STEAP2: variants seen among roughly 807,000 people sequenced by gnomAD.
STEAP2 encodes STEAP2 metalloreductase.
A neutral mutation model predicts 46.4 loss-of-function variants in STEAP2; 30 were observed. The observed-to-expected ratio is 0.65, with a 90% CI of 0.48 to 0.88. The LOEUF (loss-of-function observed/expected upper bound fraction) is 0.88. Ranked by LOEUF, STEAP2 falls within the 40% of genes least tolerant of loss-of-function variation. STEAP2 has a pLI of 0.00. For synonymous variants in STEAP2, 180 were observed against 200.5 expected (o/e 0.90, Z 0.86); for missense variants, 513 against 579.3 (o/e 0.89, Z 1.18).
chr7:90,230,969 C>A (rs1795716713), intron 5 of STEAP2, among the ~76,000 whole-genome samples: 1 of 151,462 alleles, frequency 6.6e-6, no homozygotes, highest in Non-Finnish European at 1.5e-5. Context: ...TTAATCATAC[C>A]CGAAAAGAAA....
rs906830927 is a variant in STEAP2 at position 90,212,817 on chromosome 7, G to GCCCCACCCCCAC, written c.-147+784_-147+795dup. Among the ~76,000 whole-genome samples, 130 of 136,068 alleles carry GCCCCACCCCCAC rather than the reference G, an allele frequency of 9.6e-4. 1 individual carries two copies. Among genetic ancestry groups the GCCCCACCCCCAC allele is most frequent in the Non-Finnish European group, 1.6e-3 (99 of 63,042 alleles). The allele number at this position is 136,068 out of a possible 152,430, so 89.3% of individuals were successfully genotyped here. ...TAGGAGAAAAAGAATTCAGACTCCT[G>GCCCCACCCCCAC]CCCCACCCCCACCCCCACCCCCAAC... On this transcript the variant is annotated intron_variant, in intron 1 of 5. Transcript: ENST00000394621.
chr7:90,238,975 G>GTCCT (rs139464762), downstream of STEAP2, among the ~76,000 whole-genome samples: 5,329 of 152,230 alleles, frequency 0.035, 234 homozygotes, highest in East Asian at 0.11. Context: ...AAATATCAGT[G>GTCCT]TCCTGTAGGC....
At chr7:90,217,723 AAAAC>A (rs1324957082) in intron 2 of STEAP2, among the ~76,000 whole-genome samples, 20 of 111,040 alleles carry the variant, frequency 1.8e-4, no homozygotes, top group East Asian at 3.2e-3. Flanking sequence ...AAAAAAAAAA[AAAAC>A]ATGTGAGGAC....
chr7:90,227,498 G>A lies in STEAP2; in HGVS notation c.1020G>A (p.Gln340=), dbSNP rs1465717285. 1.3e-6 allele frequency: 2 copies of A among 1,552,870 alleles called. No individual in the cohort carries two copies. Among genetic ancestry groups the A allele is most frequent in the Admixed American group, 1.9e-5 (1 of 51,464 alleles). The part of the protein sequence containing the change: ...RYLFLNMAYQ[Q]VHANIENSWN... ...TGTTTCTCAACATGGCTTATCAGCA[G>A]GTACTGAATGTGCTTGTTATTTATC... Residue 340 remains glutamine, a splice_region_variant and synonymous_variant, in exon 4 of 6, where the codon CAG becomes CAA. Transcript: ENST00000394621.
chr7:90,232,631 A>G lies in STEAP2; in HGVS notation c.*7A>G. 1 of 1,595,592 alleles carries G rather than the reference A, an allele frequency of 6.3e-7. No individual in the cohort carries two copies. Among genetic ancestry groups the G allele is most frequent in the South Asian group, 1.1e-5 (1 of 88,712 alleles). ...GAGGGTCACAGTAATGTGATGACAA[A>G]TGGTGTTCACAGCTGCCATATAAAG... On this transcript the variant is annotated 3_prime_UTR_variant, in exon 6 of 6. Transcript: ENST00000394621.
At chr7:90,215,207 A>G (rs17865275) in intron 1 of STEAP2, 161 of 152,354 alleles carry the variant, frequency 1.1e-3, no homozygotes, top group African/African-American at 3.7e-3. Flanking sequence ...GCCCTGGAGA[A>G]TTATGTTTTC....
chr7:90,231,555 A>G (rs1243839522), intron 5 of STEAP2, among the ~76,000 whole-genome samples: 1 of 151,968 alleles, frequency 6.6e-6, no homozygotes, highest in Non-Finnish European at 1.5e-5. Flanking sequence ...ATGTTACTGT[A>G]CTGAATATTA....
chr7:90,229,639 C>T (rs760714096), intron 4 of STEAP2, among the ~76,000 whole-genome samples: 8 of 152,086 alleles, frequency 5.3e-5, no homozygotes, highest in Non-Finnish European at 8.8e-5. Flanking sequence ...TATTCTAGCA[C>T]GTATACAAGG....
intron 2 of STEAP2, among the ~76,000 whole-genome samples, chr7:90,217,721 A>C (rs1795083026): frequency 9.0e-6 from 1 of 111,234 alleles, no homozygotes; most frequent in Admixed American, 1.1e-4. Flanking sequence ...AAAAAAAAAA[A>C]AAAAACATGT....
At chr7:90,221,993 T>C (rs907469307) in intron 2 of STEAP2, among the ~76,000 whole-genome samples, 10 of 152,200 alleles carry the variant, frequency 6.6e-5, no homozygotes, top group African/African-American at 2.4e-4. Flanking sequence ...GATGCTGCAG[T>C]ATATACTCAG....
At chr7:90,219,264 G>T (rs1795153041) in intron 2 of STEAP2, among the ~76,000 whole-genome samples, 1 of 151,894 alleles carries the variant, frequency 6.6e-6, no homozygotes, top group African/African-American at 2.4e-5. Context: ...TCCAGTTTGG[G>T]TACCTTTTAT....
At chr7:90,239,626 A>AT (rs531496103), downstream of STEAP2, among the ~76,000 whole-genome samples, 1,265 of 151,494 alleles carry the variant, frequency 8.4e-3, 18 homozygotes, top group African/African-American at 0.029. Context: ...TCTCGGGAAC[A>AT]TTTTTTTTTC....
At position 90,235,990 on chromosome 7, in the gene STEAP2, T is replaced by C. The variant is rs1795948447; in HGVS notation, c.*3366T>C. The C allele has an allele frequency of 2.1e-6, 2 of 966,444 alleles. No individual in the cohort carries two copies. The highest frequency in any genetic ancestry group is 1.2e-6 in the Non-Finnish European group (1 of 812,804). The allele number at this position is 966,444 out of a possible 1,614,324, so 59.9% of individuals were successfully genotyped here. On this transcript the variant is annotated 3_prime_UTR_variant, in exon 6 of 6. Transcript: ENST00000394621. ...CTTGGCTTGATTAAGGAATTCTACT[T>C]TCAAAAATTAATCTGATAATAGTAA...
At chr7:90,230,275 A>G (rs1795684609) in intron 5 of STEAP2, among the ~76,000 whole-genome samples, 1 of 151,988 alleles carries the variant, frequency 6.6e-6, no homozygotes, top group African/African-American at 2.4e-5. Context: ...CTATGTTAAG[A>G]ACAAAAAAGT....
rs1419825639 is a variant in STEAP2, at chr7:90,234,561, T to TG, written c.*1937_*1938insG. 1 of 969,168 alleles carries TG rather than the reference T, an allele frequency of 1.0e-6. No individual in the cohort carries two copies. Among genetic ancestry groups the TG allele is most frequent in the East Asian group, 1.2e-4 (1 of 8,694 alleles). 60.0% of individuals were successfully genotyped at this position (969,168 alleles called of 1,614,324 possible). A position where few individuals can be genotyped will look rare whatever the true frequency, so the allele number is the denominator to read the frequency against. On this transcript the variant is annotated 3_prime_UTR_variant, in exon 6 of 6. Coordinates refer to ENST00000394621, the MANE Select transcript of STEAP2 (RefSeq NM_001244944.2). ...CTTGTACCCTCTTTTTTTTTTTTTTTTTTTTTAAAGACAGAGTCTTGCTCT... is the reference window on the plus strand; with the variant it reads ...CTTGTACCCTCTTTTTTTTTTTTTTTGTTTTTTAAAGACAGAGTCTTGCTCT...
rs1381825414 is a variant in STEAP2 at position 90,235,209 on chromosome 7, C to T, written c.*2585C>T. 31 of 983,016 alleles carry T rather than the reference C, an allele frequency of 3.2e-5. No individual in the cohort carries two copies. Among genetic ancestry groups the T allele is most frequent in the Non-Finnish European group, 3.7e-5 (31 of 828,004 alleles). 60.9% of individuals were successfully genotyped at this position (983,016 alleles called of 1,614,324 possible). On this transcript the variant is annotated 3_prime_UTR_variant, in exon 6 of 6. Coordinates refer to ENST00000394621, the MANE Select transcript of STEAP2 (RefSeq NM_001244944.2). ...ATGGGGCCTTTAAAAATATGAAAAACAAACTTGTGAAAATGTATAAAAGAT... is the reference window on the plus strand; with the variant it reads ...ATGGGGCCTTTAAAAATATGAAAAATAAACTTGTGAAAATGTATAAAAGAT...
At position 90,233,588 on chromosome 7, in the gene STEAP2, C is replaced by T; in HGVS notation, c.*964C>T. On this transcript the variant is annotated 3_prime_UTR_variant, in exon 6 of 6. Coordinates refer to ENST00000394621, the MANE Select transcript of STEAP2 (RefSeq NM_001244944.2). Reference sequence around the variant, plus strand: ...TCTAAGTACTTTACTTGTATTATCCCATTTAATACTTAGAACAACCCCGTG... The same window carrying T: ...TCTAAGTACTTTACTTGTATTATCCTATTTAATACTTAGAACAACCCCGTG... 1 of 926,174 alleles carries T rather than the reference C, an allele frequency of 1.1e-6. No homozygotes were observed. The highest frequency in any genetic ancestry group is 1.3e-6 in the Non-Finnish European group (1 of 776,088). The allele number at this position is 926,174 out of a possible 1,614,324, so 57.4% of individuals were successfully genotyped here.
chr7:90,220,121 T>C (rs972223287), intron 2 of STEAP2, among the ~76,000 whole-genome samples: 3 of 152,226 alleles, frequency 2.0e-5, no homozygotes, highest in African/African-American at 7.2e-5. Context: ...TTGTTTGCTT[T>C]TGGTGTGAAG....
Position 90,233,001 on chromosome 7 carries a change from CA to C in STEAP2, c.*378del. ...CTTTTAAAATAATTCAATGGATATA[CA>C]TTTTTTTCTGAAGATTAAGATTTTA... On this transcript the variant is annotated 3_prime_UTR_variant, in exon 6 of 6. Coordinates refer to ENST00000394621, the MANE Select transcript of STEAP2 (RefSeq NM_001244944.2). The C allele has an allele frequency of 1.0e-6, 1 of 962,924 alleles. No individual in the cohort carries two copies. Among genetic ancestry groups the C allele is most frequent in the Non-Finnish European group, 1.2e-6 (1 of 809,288 alleles). The allele number at this position is 962,924 out of a possible 1,614,324, so 59.6% of individuals were successfully genotyped here. A position where few individuals can be genotyped will look rare whatever the true frequency, so the allele number is the denominator to read the frequency against.
Sources: gnomAD v4.1 joint callset for allele counts (sites outside exome capture counted in the v4.1 genomes callset) on GRCh38, gnomAD v4.1.1 for gene constraint, MANE v1.5 for transcripts, NCBI Gene and HGNC (gene_info 2026-07-23, HGNC 2026-07-21) for gene names.